SMAP1: variants seen among roughly 807,000 people sequenced by gnomAD.
SMAP1 encodes stromal membrane-associated protein 1.
A neutral mutation model predicts 58.5 loss-of-function variants in SMAP1; 24 were observed. That is an observed-to-expected ratio of 0.41 (90% CI 0.30 to 0.58). The LOEUF is 0.58. Among genes scored for constraint, SMAP1 ranks in the 20% least tolerant of loss-of-function variants. The probability of loss-of-function intolerance (pLI) is 0.29; values close to 1 mark genes in which losing one functional copy is unlikely to be tolerated. For synonymous variants in SMAP1, 216 were observed against 196.6 expected (o/e 1.10, Z -0.82); for missense variants, 563 against 566.3 (o/e 0.99, Z 0.06).
chr6:70,714,813 T>A (rs1042449701), intron 1 of SMAP1, among the ~76,000 whole-genome samples: 3 of 152,172 alleles, frequency 2.0e-5, no homozygotes, highest in Admixed American at 6.5e-5. Context: ...GTACCTTGGC[T>A]TTTATTGGTT....
At position 70,718,681 on chromosome 6, in the gene SMAP1, C is replaced by A. The variant is rs533937454; in HGVS notation, c.119-13697C>A. Among the ~76,000 whole-genome samples, 11 of 151,894 alleles carry A rather than the reference C, an allele frequency of 7.2e-5. No individual in the cohort carries two copies. The East Asian group carries it at 1.9e-3, about 27-fold the overall frequency. On this transcript the variant is annotated intron_variant, in intron 1 of 10. Coordinates refer to ENST00000370455, the MANE Select transcript of SMAP1 (RefSeq NM_001044305.3). ...CTAAAAATACAAACAATTAGCTGGG[C>A]GTGGTGGCGGGCACCTGTAATCCCA...
chr6:70,861,548 G>T lies in SMAP1; in HGVS notation c.*1214G>T, dbSNP rs1471756798. On this transcript the variant is annotated 3_prime_UTR_variant, in exon 11 of 11. Coordinates refer to ENST00000370455, the MANE Select transcript of SMAP1 (RefSeq NM_001044305.3). ...AGATGTCCATCAGATGACAAGAAAG[G>T]CTGCTGTACTGAAGTAAAACAAACA... 2 of 859,424 alleles carry T rather than the reference G, an allele frequency of 2.3e-6. No homozygotes were observed. Among genetic ancestry groups the T allele is most frequent in the Non-Finnish European group, 3.7e-6 (2 of 545,628 alleles). 53.2% of individuals were successfully genotyped at this position (859,424 alleles called of 1,614,324 possible).
chr6:70,860,950 C>T lies in SMAP1; in HGVS notation c.*616C>T, dbSNP rs1402425557. ...CTTAAAGAATTCAAATTTTATCTGC[C>T]TCTCTTGTAATTTGGATCTCTTCTT... On this transcript the variant is annotated 3_prime_UTR_variant, in exon 11 of 11. Transcript: ENST00000370455. 5.6e-6 allele frequency: 2 copies of T among 359,986 alleles called. No individual in the cohort carries two copies. Among genetic ancestry groups the T allele is most frequent in the East Asian group, 4.0e-5 (1 of 25,228 alleles). 22.3% of individuals were successfully genotyped at this position (359,986 alleles called of 1,614,324 possible).
intron 3 of SMAP1, among the ~76,000 whole-genome samples, chr6:70,756,645 T>A (rs1010980938): frequency 6.6e-6 from 1 of 152,060 alleles, no homozygotes; most frequent in African/African-American, 2.4e-5. Context: ...TAGACCTCAT[T>A]TCATTGGCCC....
At chr6:70,838,377 A>G (rs1770680075) in intron 7 of SMAP1, among the ~76,000 whole-genome samples, 1 of 152,234 alleles carries the variant, frequency 6.6e-6, no homozygotes, top group Non-Finnish European at 1.5e-5. Flanking sequence ...GAAAGAGGAC[A>G]GACTGCAACC....
chr6:70,843,537 A>G (rs1332349056), intron 7 of SMAP1, among the ~76,000 whole-genome samples: 1 of 152,212 alleles, frequency 6.6e-6, no homozygotes, highest in East Asian at 1.9e-4. Context: ...CTGGTAGATT[A>G]CAAAACTGGG....
At chr6:70,859,667 T>C (rs761780690) in intron 10 of SMAP1, 2 of 253,552 alleles carry the variant, frequency 7.9e-6, no homozygotes, top group Non-Finnish European at 1.5e-5. Flanking sequence ...GACTCCAGTC[T>C]TGAAGAAAAA....
intron 1 of SMAP1, among the ~76,000 whole-genome samples, chr6:70,696,501 G>A (rs916337785): frequency 6.6e-6 from 1 of 151,800 alleles, no homozygotes; most frequent in Non-Finnish European, 1.5e-5. Context: ...CTTCATTGAC[G>A]CCTTGGCCTT....
intron 2 of SMAP1, among the ~76,000 whole-genome samples, chr6:70,742,252 C>T (rs1765846296): frequency 6.6e-6 from 1 of 152,196 alleles, no homozygotes; most frequent in Non-Finnish European, 1.5e-5. Context: ...AACTTTTAGG[C>T]TCCGTTTCCC....
intron 1 of SMAP1, among the ~76,000 whole-genome samples, chr6:70,713,333 G>C (rs979137838): frequency 2.0e-5 from 3 of 151,658 alleles, no homozygotes; most frequent in Non-Finnish European, 2.9e-5. Context: ...TCTTATTCTA[G>C]CTCCTTGAGG....
At chr6:70,812,649 A>G (rs1001481193) in intron 6 of SMAP1, among the ~76,000 whole-genome samples, 4 of 152,218 alleles carry the variant, frequency 2.6e-5, no homozygotes, top group African/African-American at 9.6e-5. Flanking sequence ...GGGAGAAATT[A>G]TAAGCTAAAA....
intron 6 of SMAP1, among the ~76,000 whole-genome samples, chr6:70,818,183 C>G (rs1254510029): frequency 1.3e-5 from 2 of 150,136 alleles, no homozygotes; most frequent in African/African-American, 4.9e-5. Flanking sequence ...TACCTGAGGT[C>G]AGGAGTTCGA....
intron 2 of SMAP1, among the ~76,000 whole-genome samples, chr6:70,747,878 G>A (rs796755071): frequency 2.0e-5 from 3 of 152,266 alleles, no homozygotes; most frequent in Admixed American, 6.5e-5. Context: ...AGAATATCTA[G>A]AAATTGTGAA....
At chr6:70,727,018 T>TGG (rs547019249) in intron 1 of SMAP1, among the ~76,000 whole-genome samples, 1 of 151,358 alleles carries the variant, frequency 6.6e-6, no homozygotes, top group African/African-American at 2.4e-5. Flanking sequence ...CTCTTCAAGA[T>TGG]GGGGGGGGCA....
chr6:70,765,845 T>C (rs1227345011), intron 3 of SMAP1, among the ~76,000 whole-genome samples: 1 of 151,994 alleles, frequency 6.6e-6, no homozygotes, highest in Non-Finnish European at 1.5e-5. Flanking sequence ...GCTGCACCCA[T>C]TAACTCGTCA....
intron 1 of SMAP1, among the ~76,000 whole-genome samples, chr6:70,706,547 T>C (rs1169238789): frequency 2.0e-5 from 3 of 152,218 alleles, no homozygotes; most frequent in Non-Finnish European, 4.4e-5. Flanking sequence ...AGAGGTAAAG[T>C]GAGTTCATAT....
intron 2 of SMAP1, among the ~76,000 whole-genome samples, chr6:70,742,642 C>G (rs1765864019): frequency 6.6e-6 from 1 of 152,202 alleles, no homozygotes; most frequent in African/African-American, 2.4e-5. Flanking sequence ...AAAGTCACTT[C>G]CACATTTTTG....
At chr6:70,678,199 C>T (rs548269020) in intron 1 of SMAP1, among the ~76,000 whole-genome samples, 2 of 152,272 alleles carry the variant, frequency 1.3e-5, no homozygotes, top group African/African-American at 2.4e-5. Flanking sequence ...GGCCCCTATA[C>T]CCCAGCAATT....
At chr6:70,741,328 T>TA (rs1765806605) in intron 2 of SMAP1, among the ~76,000 whole-genome samples, 1 of 152,114 alleles carries the variant, frequency 6.6e-6, no homozygotes, top group African/African-American at 2.4e-5. Context: ...ATTGGGTAAA[T>TA]ACAGCTGTTC....
Sources: allele counts gnomAD v4.1 joint callset (sites outside exome capture counted in the v4.1 genomes callset), GRCh38; gene constraint gnomAD v4.1.1; transcripts MANE v1.5; gene names NCBI Gene and HGNC (gene_info 2026-07-23, HGNC 2026-07-21).